MMP16: variants seen among roughly 807,000 people sequenced by gnomAD.
The protein encoded by MMP16 is matrix metallopeptidase 16, also known as matrix metalloproteinase-16.
MMP16 carries 12 observed loss-of-function variants against 67.8 expected under a neutral mutation model. The observed-to-expected ratio is 0.18, with a 90% CI of 0.11 to 0.29. The LOEUF (loss-of-function observed/expected upper bound fraction) is 0.29, where lower values mean the gene tolerates loss of function less well. MMP16 is among the 10% of genes least tolerant of loss of function. The pLI is 1.00. For missense variants in MMP16, 475 were observed against 765.7 expected, an observed-to-expected ratio of 0.62 and a Z score of 4.48; for synonymous variants, 249 against 255.9, an observed-to-expected ratio of 0.97 and a Z score of 0.26.
intron 8 of MMP16, 53 bp downstream of exon 8, chr8:88,056,074 AT>A: frequency 7.5e-7 from 1 of 1,333,642 alleles, no homozygotes; most frequent in Non-Finnish European, 9.8e-7. Context: ...AGAAATGCTG[AT>A]TTTCTAAACA....
chr8:88,099,904 C>A (rs889295226), intron 6 of MMP16, among the ~76,000 whole-genome samples: 2 of 151,854 alleles, frequency 1.3e-5, no homozygotes, highest in East Asian at 3.9e-4. Flanking sequence ...TGTCTATTTG[C>A]CACACTGGAC....
At chr8:88,129,862 A>G (rs1259200132) in intron 4 of MMP16, among the ~76,000 whole-genome samples, 1 of 151,688 alleles carries the variant, frequency 6.6e-6, no homozygotes, top group Non-Finnish European at 1.5e-5. Flanking sequence ...CTTTTTTAGC[A>G]TACTGTGAAC....
chr8:88,316,987 C>T (rs1488651050), intron 1 of MMP16, among the ~76,000 whole-genome samples: 1 of 152,150 alleles, frequency 6.6e-6, no homozygotes, highest in Non-Finnish European at 1.5e-5. Context: ...GACTGAATTG[C>T]TGCAATCTCA....
intron 1 of MMP16, among the ~76,000 whole-genome samples, chr8:88,242,648 G>A (rs1332753173): frequency 6.6e-6 from 1 of 152,134 alleles, no homozygotes; most frequent in East Asian, 1.9e-4. Context: ...CCATCTGAAT[G>A]CCACATGAAT....
At chr8:88,158,558 C>G (rs202173547) in intron 4 of MMP16, among the ~76,000 whole-genome samples, 219 of 152,204 alleles carry the variant, frequency 1.4e-3, no homozygotes, top group East Asian at 1.7e-3. Flanking sequence ...GTAGATTCTG[C>G]ATATTAGCCC....
chr8:88,178,779 T>G (rs1418099316), intron 3 of MMP16, among the ~76,000 whole-genome samples: 1 of 152,166 alleles, frequency 6.6e-6, no homozygotes, highest in Non-Finnish European at 1.5e-5. Context: ...CGCATGTAAA[T>G]TATTATTTTT....
chr8:88,230,065 G>A lies in MMP16; in HGVS notation c.133-32759C>T, dbSNP rs1809834462. ...AGCCAATATTACATAAAAGCTAAGT[G>A]TCACATACCATGGAAATGCCTACTT... is the stretch of plus-strand genomic sequence containing the variant. On this transcript the variant is annotated intron_variant, in intron 1 of 9. Transcript: ENST00000286614. 2.6e-5 allele frequency among the ~76,000 whole-genome samples: 4 copies of A among 152,166 alleles called. No individual in the cohort carries two copies. In the South Asian group the frequency reaches 8.3e-4, roughly 32 times the overall value.
At chr8:88,275,801 T>C (rs1222195826) in intron 1 of MMP16, among the ~76,000 whole-genome samples, 2 of 152,000 alleles carry the variant, frequency 1.3e-5, no homozygotes, top group African/African-American at 4.8e-5. Flanking sequence ...ACTGCTTACC[T>C]ACATTATAAA....
At chr8:88,085,679 G>C (rs1195557672) in intron 6 of MMP16, among the ~76,000 whole-genome samples, 1 of 151,852 alleles carries the variant, frequency 6.6e-6, no homozygotes, top group Non-Finnish European at 1.5e-5. Flanking sequence ...TTATTTTCAA[G>C]GAAGAATGTC....
At chr8:88,262,204 G>GTAT (rs1211043485) in intron 1 of MMP16, among the ~76,000 whole-genome samples, 2 of 152,200 alleles carry the variant, frequency 1.3e-5, no homozygotes, top group African/African-American at 4.8e-5. Context: ...GCAGTGAGAT[G>GTAT]TATTATTATT....
At chr8:88,245,603 G>C (rs992807921) in intron 1 of MMP16, among the ~76,000 whole-genome samples, 17 of 152,158 alleles carry the variant, frequency 1.1e-4, no homozygotes, top group Non-Finnish European at 2.5e-4. Flanking sequence ...GACGGAGAAA[G>C]ACCTAAAAGA....
chr8:88,086,110 G>C (rs955990694), intron 6 of MMP16, among the ~76,000 whole-genome samples: 2 of 151,846 alleles, frequency 1.3e-5, no homozygotes, highest in African/African-American at 4.9e-5. Flanking sequence ...GCGAGCTGGG[G>C]AGTAAGTGAA....
chr8:88,221,558 G>A (rs1413438368), intron 1 of MMP16, among the ~76,000 whole-genome samples: 1 of 151,798 alleles, frequency 6.6e-6, no homozygotes, highest in Non-Finnish European at 1.5e-5. Context: ...TAACCCCAGA[G>A]AGAAGAGAAT....
intron 7 of MMP16, among the ~76,000 whole-genome samples, chr8:88,065,871 C>G (rs900715180): frequency 4.6e-5 from 7 of 152,044 alleles, no homozygotes; most frequent in Admixed American, 3.9e-4. Context: ...ACAAACAGTT[C>G]TTTTCTTTGC....
At chr8:88,298,391 A>G (rs1811044482) in intron 1 of MMP16, among the ~76,000 whole-genome samples, 1 of 152,336 alleles carries the variant, frequency 6.6e-6, no homozygotes, top group South Asian at 2.1e-4. Flanking sequence ...AGAGAATTAT[A>G]GGCCAATAAA....
chr8:88,175,872 G>A (rs1808881396), intron 3 of MMP16, among the ~76,000 whole-genome samples: 1 of 152,110 alleles, frequency 6.6e-6, no homozygotes, highest in African/African-American at 2.4e-5. Context: ...TTTTATAAAG[G>A]ATTGTTATTT....
intron 6 of MMP16, among the ~76,000 whole-genome samples, chr8:88,087,206 C>A (rs775064509): frequency 1.3e-4 from 20 of 151,872 alleles, no homozygotes; most frequent in Non-Finnish European, 2.8e-4. Context: ...ATCCAATGGT[C>A]TAAGTAGGCT....
chr8:88,134,308 T>TA (rs1808082201), intron 4 of MMP16, among the ~76,000 whole-genome samples: 1 of 151,754 alleles, frequency 6.6e-6, no homozygotes, highest in Non-Finnish European at 1.5e-5. Context: ...TCTTCACACT[T>TA]ACATAGATAA....
chr8:88,234,645 GT>G (rs1809912951), intron 1 of MMP16, among the ~76,000 whole-genome samples: 1 of 152,194 alleles, frequency 6.6e-6, no homozygotes, highest in Admixed American at 6.5e-5. Context: ...CAAACTCAGA[GT>G]TAGACTCTGA....
Sources: gnomAD v4.1 joint callset for allele counts (sites outside exome capture counted in the v4.1 genomes callset) on GRCh38, gnomAD v4.1.1 for gene constraint, MANE v1.5 for transcripts, NCBI Gene and HGNC (gene_info 2026-07-23, HGNC 2026-07-21) for gene names.